Variants in COMMD10 observed in about 807,000 individuals in gnomAD.
COMMD10 encodes the protein COMM domain-containing protein 10.
COMMD10 carries 33 observed loss-of-function variants against 28.9 expected under a neutral mutation model. That is an observed-to-expected ratio of 1.14 (90% confidence interval 0.87 to 1.53). The LOEUF (loss-of-function observed/expected upper bound fraction) is 1.53. Among genes scored for constraint, COMMD10 ranks in the 40% most tolerant of loss-of-function variants. The pLI is 0.00. For synonymous variants in COMMD10, 110 were observed against 81.7 expected (o/e 1.35, Z -1.87); for missense variants, 310 against 233.4 (o/e 1.33, Z -2.14).
At chr5:116,127,150 A>G (rs1187705566) in intron 4 of COMMD10, among the ~76,000 whole-genome samples, 2 of 152,248 alleles carry the variant, frequency 1.3e-5, no homozygotes, top group East Asian at 1.9e-4. Context: ...GAAGACATTT[A>G]TGCAGCCAAC....
intron 5 of COMMD10, among the ~76,000 whole-genome samples, chr5:116,206,244 A>G (rs1005271493): frequency 9.2e-5 from 14 of 152,220 alleles, no homozygotes; most frequent in South Asian, 2.1e-4. Context: ...TTCCTACTCT[A>G]TTTGTTCCAT....
chr5:116,190,835 A>G (rs1748346075), intron 5 of COMMD10, among the ~76,000 whole-genome samples: 1 of 152,206 alleles, frequency 6.6e-6, no homozygotes, highest in Non-Finnish European at 1.5e-5. Context: ...TTACTTTCAG[A>G]ATAATTTAAA....
At chr5:116,229,734 T>C (rs1749481315) in intron 5 of COMMD10, among the ~76,000 whole-genome samples, 1 of 152,040 alleles carries the variant, frequency 6.6e-6, no homozygotes, top group African/African-American at 2.4e-5. Context: ...AAGCACAATT[T>C]ATTTGTCCAG....
chr5:116,093,436 G>A (rs1750364790), intron 4 of COMMD10, among the ~76,000 whole-genome samples: 1 of 152,190 alleles, frequency 6.6e-6, no homozygotes, highest in East Asian at 1.9e-4. Flanking sequence ...GTGTGGAGTT[G>A]GGGTAAGTGA....
chr5:116,291,678 A>C (rs1345330391), intron 6 of COMMD10, 102 bp downstream of exon 6: 16 of 644,836 alleles, frequency 2.5e-5, no homozygotes, highest in Non-Finnish European at 4.1e-5. Context: ...TATGGAACTA[A>C]GTTCTTTAAA....
intron 5 of COMMD10, among the ~76,000 whole-genome samples, chr5:116,207,658 TG>T (rs1159676852): frequency 2.6e-5 from 4 of 152,232 alleles, no homozygotes; most frequent in African/African-American, 9.6e-5. Context: ...CCCAAGTAGC[TG>T]GGACCCCAGG....
intron 4 of COMMD10, among the ~76,000 whole-genome samples, chr5:116,106,758 T>C (rs1459214905): frequency 3.9e-5 from 6 of 152,228 alleles, no homozygotes; most frequent in East Asian, 1.9e-4. Flanking sequence ...TTTTGATCTT[T>C]GTTGGTTTAA....
chr5:116,138,582 T>C (rs1752103496), intron 5 of COMMD10, among the ~76,000 whole-genome samples: 1 of 151,944 alleles, frequency 6.6e-6, no homozygotes, highest in South Asian at 2.1e-4. Context: ...GGATTCCAAA[T>C]TTTATTTGTG....
chr5:116,241,679 C>G (rs1321219734), intron 5 of COMMD10, among the ~76,000 whole-genome samples: 7 of 151,914 alleles, frequency 4.6e-5, no homozygotes, highest in African/African-American at 1.7e-4. Flanking sequence ...GTGGCGCAAT[C>G]TCAGCTCACT....
intron 4 of COMMD10, among the ~76,000 whole-genome samples, chr5:116,100,276 T>C (rs1207748749): frequency 6.6e-6 from 1 of 152,184 alleles, no homozygotes; most frequent in African/African-American, 2.4e-5. Context: ...TCCTTTGTTG[T>C]GTAGAAGCTT....
At chr5:116,268,575 A>G (rs1008416767) in intron 5 of COMMD10, among the ~76,000 whole-genome samples, 27 of 151,936 alleles carry the variant, frequency 1.8e-4, no homozygotes, top group Non-Finnish European at 3.7e-4. Context: ...TAGAAATACC[A>G]TTTGACCCAG....
At chr5:116,249,972 T>C (rs924115578) in intron 5 of COMMD10, among the ~76,000 whole-genome samples, 1 of 151,980 alleles carries the variant, frequency 6.6e-6, no homozygotes, top group Admixed American at 6.6e-5. Flanking sequence ...AAAGTTAATA[T>C]GTTTCCAGAT....
intron 4 of COMMD10, among the ~76,000 whole-genome samples, chr5:116,106,102 T>A (rs576688682): frequency 6.8e-5 from 10 of 148,040 alleles, no homozygotes; most frequent in Admixed American, 3.3e-4. Flanking sequence ...TGTTTTATTT[T>A]TTTTTTTGTG....
At chr5:116,239,944 C>T (rs886877025) in intron 5 of COMMD10, among the ~76,000 whole-genome samples, 5 of 152,032 alleles carry the variant, frequency 3.3e-5, no homozygotes, top group Admixed American at 1.3e-4. Flanking sequence ...TTCACTCCCC[C>T]CCAAGGAGAG....
Position 116,127,341 on chromosome 5 carries a change from G to A in COMMD10, c.400-6727G>A, listed in dbSNP as rs531596998. ...ACACCTTTGGTGGGAGTGTAAACTA[G>A]TTCAACCATCGTGGAAGACAGTGTG... On this transcript the variant is annotated intron_variant, in intron 4 of 6. Transcript: ENST00000274458. Among the ~76,000 whole-genome samples, 4 of 152,300 alleles carry A rather than the reference G, an allele frequency of 2.6e-5. No homozygotes were observed. In the South Asian group the frequency reaches 8.3e-4, roughly 32 times the overall value.
chr5:116,271,625 G>A (rs897542368), intron 5 of COMMD10, among the ~76,000 whole-genome samples: 1 of 151,698 alleles, frequency 6.6e-6, no homozygotes, highest in Non-Finnish European at 1.5e-5. Context: ...TTAGTCATCT[G>A]TGCTGCTGAA....
chr5:116,232,755 T>A (rs1050257532), intron 5 of COMMD10, among the ~76,000 whole-genome samples: 1 of 152,100 alleles, frequency 6.6e-6, no homozygotes, highest in Non-Finnish European at 1.5e-5. Flanking sequence ...GTTATAAAAT[T>A]TGACGTTGAA....
At chr5:116,253,691 T>A (rs1348333584) in intron 5 of COMMD10, among the ~76,000 whole-genome samples, 2 of 144,126 alleles carry the variant, frequency 1.4e-5, no homozygotes, top group East Asian at 3.9e-4. Context: ...CTGCTGGATT[T>A]GGTTTGCCAG....
chr5:116,169,692 A>T (rs2112579179), intron 5 of COMMD10, among the ~76,000 whole-genome samples: 1 of 152,318 alleles, frequency 6.6e-6, no homozygotes, highest in Middle Eastern at 3.4e-3. Flanking sequence ...ACATATGCAA[A>T]TGAATAAACG....
Sources: gnomAD v4.1 joint callset for allele counts (sites outside exome capture counted in the v4.1 genomes callset) on GRCh38, gnomAD v4.1.1 for gene constraint, MANE v1.5 for transcripts, NCBI Gene and HGNC (gene_info 2026-07-23, HGNC 2026-07-21) for gene names.